The following CDH18 variants were observed in gnomAD, a reference collection of about 807,000 sequenced individuals.
CDH18 encodes the protein cadherin 18.
Under a neutral mutation model 67.9 loss-of-function variants are expected in CDH18, and 31 were observed. The observed-to-expected ratio is 0.46, with a 90% CI of 0.34 to 0.62. CDH18 has a LOEUF of 0.62. Among genes scored for constraint, CDH18 ranks in the 20% least tolerant of loss-of-function variants. The probability of loss-of-function intolerance (pLI) is 0.01; values close to 1 mark genes in which losing one functional copy is unlikely to be tolerated. For synonymous variants in CDH18, 362 were observed against 347.2 expected (o/e 1.04, Z -0.48); for missense variants, 890 against 975.5 (o/e 0.91, Z 1.17).
chr5:20,063,321 T>G (rs1379905989), intron 2 of CDH18, among the ~76,000 whole-genome samples: 1 of 151,880 alleles, frequency 6.6e-6, no homozygotes, highest in Non-Finnish European at 1.5e-5. Context: ...TTTTAATTTA[T>G]TAAATTAAAT....
intron 5 of CDH18, among the ~76,000 whole-genome samples, chr5:19,626,177 A>G (rs912581894): frequency 6.6e-6 from 1 of 152,202 alleles, no homozygotes. Flanking sequence ...CTCAAGCGAC[A>G]ACACTAAAGC....
chr5:20,207,182 C>T (rs1333003171), intron 2 of CDH18, among the ~76,000 whole-genome samples: 5 of 151,504 alleles, frequency 3.3e-5, no homozygotes, highest in South Asian at 4.2e-4. Context: ...AGAGTAGTAG[C>T]CTTTATATAA....
At chr5:19,846,170 T>C (rs1278943948) in intron 2 of CDH18, among the ~76,000 whole-genome samples, 1 of 152,056 alleles carries the variant, frequency 6.6e-6, no homozygotes, top group Non-Finnish European at 1.5e-5. Context: ...TATTCATGTG[T>C]CTTCCACAGT....
chr5:20,431,384 T>G (rs1166746093), intron 1 of CDH18, among the ~76,000 whole-genome samples: 1 of 150,886 alleles, frequency 6.6e-6, no homozygotes, highest in Non-Finnish European at 1.5e-5. Context: ...TCCCAGCTAC[T>G]TGGGAGGCTA....
intron 2 of CDH18, among the ~76,000 whole-genome samples, chr5:20,127,276 G>C (rs189200901): frequency 6.6e-6 from 1 of 151,960 alleles, no homozygotes; most frequent in Non-Finnish European, 1.5e-5. Context: ...TTCCACCACT[G>C]ATTGTAAGTT....
chr5:19,841,038 C>A (rs1782259061), intron 2 of CDH18, among the ~76,000 whole-genome samples: 1 of 152,076 alleles, frequency 6.6e-6, no homozygotes, highest in Non-Finnish European at 1.5e-5. Context: ...AAAGATGCTA[C>A]ACAGATTTGG....
At chr5:19,779,775 A>G (rs1358553749) in intron 3 of CDH18, among the ~76,000 whole-genome samples, 4 of 152,132 alleles carry the variant, frequency 2.6e-5, no homozygotes, top group Admixed American at 2.6e-4. Flanking sequence ...GTTATTACTA[A>G]AATGTTCAAC....
chr5:20,007,687 G>C (rs1478595721), intron 2 of CDH18, among the ~76,000 whole-genome samples: 1 of 148,756 alleles, frequency 6.7e-6, no homozygotes, highest in African/African-American at 2.5e-5. Context: ...GTGTGTGTGT[G>C]TGTGTGTGTG....
At chr5:19,729,004 T>G (rs1767237438) in intron 4 of CDH18, among the ~76,000 whole-genome samples, 1 of 152,120 alleles carries the variant, frequency 6.6e-6, no homozygotes, top group South Asian at 2.1e-4. Context: ...GTCACTGAAT[T>G]GAAAAGAAAA....
At chr5:20,286,401 TG>T (rs1466217493) in intron 1 of CDH18, among the ~76,000 whole-genome samples, 2 of 151,642 alleles carry the variant, frequency 1.3e-5, no homozygotes, top group Non-Finnish European at 3.0e-5. Context: ...TTGAAAATAC[TG>T]ATTTCTATTG....
chr5:19,554,538 A>G (rs969361329), intron 8 of CDH18, among the ~76,000 whole-genome samples: 2 of 151,826 alleles, frequency 1.3e-5, no homozygotes, highest in Non-Finnish European at 2.9e-5. Context: ...CAAGAAGAGC[A>G]TAACTTCATC....
intron 2 of CDH18, among the ~76,000 whole-genome samples, chr5:19,856,402 G>A (rs757333094): frequency 2.0e-5 from 3 of 152,146 alleles, no homozygotes; most frequent in Non-Finnish European, 4.4e-5. Context: ...GAATATAAAA[G>A]ACTGGGCAGA....
intron 2 of CDH18, among the ~76,000 whole-genome samples, chr5:19,851,804 C>T (rs899925209): frequency 6.6e-6 from 1 of 151,330 alleles, no homozygotes; most frequent in Non-Finnish European, 1.5e-5. Flanking sequence ...TATATAGTGT[C>T]AAGTAGACAA....
rs1019757179 is a variant in CDH18 at position 20,183,569 on chromosome 5, T to A, written c.-518+71875A>T. Among the ~76,000 whole-genome samples the A allele has an allele frequency of 2.6e-5, 4 of 152,168 alleles. No homozygotes were observed. In the East Asian group the frequency reaches 7.7e-4, roughly 29 times the overall value. On this transcript the variant is annotated intron_variant, in intron 2 of 14. Transcript: ENST00000507958. ...CAAAGCAATTCAATGAAAAAATAAATCTGTAGCTTTTGATGACATTGCACC... is the reference window on the plus strand; with the variant it reads ...CAAAGCAATTCAATGAAAAAATAAAACTGTAGCTTTTGATGACATTGCACC...
At chr5:19,857,284 G>A (rs994173001) in intron 2 of CDH18, among the ~76,000 whole-genome samples, 1 of 151,358 alleles carries the variant, frequency 6.6e-6, no homozygotes, top group African/African-American at 2.4e-5. Context: ...AATGATTTCT[G>A]TCACTAGTCA....
At chr5:20,042,769 C>T (rs1740546560) in intron 2 of CDH18, among the ~76,000 whole-genome samples, 1 of 152,048 alleles carries the variant, frequency 6.6e-6, no homozygotes, top group South Asian at 2.1e-4. Flanking sequence ...CGAGACCATC[C>T]TGGCTAACAC....
At chr5:19,754,114 C>A (rs1477660303) in intron 3 of CDH18, among the ~76,000 whole-genome samples, 3 of 152,012 alleles carry the variant, frequency 2.0e-5, no homozygotes, top group Non-Finnish European at 1.5e-5. Context: ...CCCCAAAAAA[C>A]CAAGATACAC....
intron 11 of CDH18, among the ~76,000 whole-genome samples, chr5:19,492,805 G>A (rs957106349): frequency 2.0e-5 from 3 of 151,982 alleles, no homozygotes; most frequent in Admixed American, 6.6e-5. Flanking sequence ...AATAAATTGG[G>A]AGAAATAACT....
intron 2 of CDH18, among the ~76,000 whole-genome samples, chr5:19,882,877 G>C (rs188007562): frequency 5.9e-5 from 9 of 152,228 alleles, no homozygotes; most frequent in Non-Finnish European, 1.0e-4. Context: ...TTAACTGTAA[G>C]TTATCAGGTA....
Sources: gnomAD v4.1 joint callset for allele counts (sites outside exome capture counted in the v4.1 genomes callset) on GRCh38, gnomAD v4.1.1 for gene constraint, MANE v1.5 for transcripts, NCBI Gene and HGNC (gene_info 2026-07-23, HGNC 2026-07-21) for gene names.